Variants in DPAGT1 observed in about 807,000 individuals in gnomAD.
DPAGT1 encodes dolichyl-phosphate N-acetylglucosaminephosphotransferase 1, also known as UDP-N-acetylglucosamine--dolichyl-phosphate N-acetylglucosaminephosphotransferase.
DPAGT1 carries 25 observed loss-of-function variants against 39.3 expected under a neutral mutation model. The observed-to-expected ratio is 0.64, with a 90% CI of 0.46 to 0.89. The LOEUF (loss-of-function observed/expected upper bound fraction) is 0.89, where lower values mean the gene tolerates loss of function less well. Among genes scored for constraint, DPAGT1 ranks in the 40% least tolerant of loss-of-function variants. The pLI is 0.00. For missense variants in DPAGT1, 381 were observed against 500.6 expected, an observed-to-expected ratio of 0.76 and a Z score of 2.28; for synonymous variants, 193 against 201.4, an observed-to-expected ratio of 0.96 and a Z score of 0.36.
downstream of DPAGT1, chr11:119,094,365 T>TC (rs1045992890): frequency 1.3e-5 from 2 of 152,030 alleles, no homozygotes; most frequent in African/African-American, 4.8e-5. Context: ...CACCAAAGCC[T>TC]CCCGGCCAGC....
chr11:119,100,452 G>T, intron 3 of DPAGT1, 44 bp from the exon 4 acceptor site: 2 of 1,613,900 alleles, frequency 1.2e-6, no homozygotes, highest in Non-Finnish European at 1.7e-6. Flanking sequence ...CCACCTAGGG[G>T]AGGAGGATTT....
downstream of DPAGT1, among the ~76,000 whole-genome samples, chr11:119,096,349 TA>T (rs1330792797): frequency 1.3e-5 from 2 of 152,218 alleles, no homozygotes; most frequent in Non-Finnish European, 2.9e-5. Context: ...AGGATTTAAA[TA>T]TTTATTCAAT....
In DPAGT1 at chr11:119,096,813, G is replaced by A; in HGVS notation, c.*185C>T. ...ATAGGTAAAATCCAATCAGTAGTCA[G>A]CAGAGGGCAAGAAACGCCCAGGATG... is the stretch of plus-strand genomic sequence containing the variant. On this transcript the variant is annotated 3_prime_UTR_variant, in exon 9 of 9. Coordinates refer to ENST00000354202, the MANE Select transcript of DPAGT1 (RefSeq NM_001382.4). 1 of 716,476 alleles carries A rather than the reference G, an allele frequency of 1.4e-6. No homozygotes were observed. Among genetic ancestry groups the A allele is most frequent in the East Asian group, 2.7e-5 (1 of 37,012 alleles). The allele number at this position is 716,476 out of a possible 1,614,324, so 44.4% of individuals were successfully genotyped here. A position where few individuals can be genotyped will look rare whatever the true frequency, so the allele number is the denominator to read the frequency against.
intron 2 of DPAGT1, 55 bp downstream of exon 2, chr11:119,100,963 C>T: frequency 1.9e-6 from 3 of 1,614,150 alleles, no homozygotes; most frequent in Non-Finnish European, 2.5e-6. Context: ...CCCCAGTTCT[C>T]TCAGGTACCT....
In DPAGT1 at chr11:119,100,793, C is replaced by A; in HGVS notation, c.333G>T (p.Leu111=). 7 of 1,614,200 alleles carry A rather than the reference C, an allele frequency of 4.3e-6. No individual in the cohort carries two copies. The highest frequency in any genetic ancestry group is 5.1e-6 in the Non-Finnish European group (6 of 1,180,038). Residue 111 remains leucine (L), a synonymous_variant, in exon 3 of 9, where the codon CTG becomes CTT. Coordinates refer to ENST00000354202, the MANE Select transcript of DPAGT1 (RefSeq NM_001382.4). ...GATTCAGTACATCATCCGCAAAGCCCAGGAAGATCATGCAGCAGATGGCAA... is the reference window on the plus strand; with the variant it reads ...GATTCAGTACATCATCCGCAAAGCCAAGGAAGATCATGCAGCAGATGGCAA... ...ALLAICCMIF[L]GFADDVLNLR...
At chr11:119,098,882 T>C (rs1002443737) in intron 4 of DPAGT1, among the ~76,000 whole-genome samples, 49 of 152,234 alleles carry the variant, frequency 3.2e-4, no homozygotes, top group Admixed American at 2.4e-3. Flanking sequence ...GTTTAAAAAG[T>C]ACTTAGCTTT....
In DPAGT1 at chr11:119,101,741, T is replaced by C. The variant is rs1308218053; in HGVS notation, c.-86A>G. On this transcript the variant is annotated 5_prime_UTR_variant, in exon 1 of 9. Coordinates refer to ENST00000354202, the MANE Select transcript of DPAGT1 (RefSeq NM_001382.4). ...GTCCTGAGGCCTCAGCAGTATGGAG[T>C]GGCCGCTCCCCACAGGCAGGCTCTT... 2 of 1,603,262 alleles carry C rather than the reference T, an allele frequency of 1.2e-6. No individual in the cohort carries two copies. Among genetic ancestry groups the C allele is most frequent in the Admixed American group, 1.7e-5 (1 of 58,350 alleles).
rs780395327 is a variant in DPAGT1 at position 119,100,860 on chromosome 11, C to T, written c.283-17G>A. 9.9e-5 allele frequency: 159 copies of T among 1,614,022 alleles called. No homozygotes were observed. Among genetic ancestry groups the T allele is most frequent in the Non-Finnish European group, 1.3e-4 (157 of 1,179,990 alleles). On this transcript the variant is annotated splice_polypyrimidine_tract_variant and intron_variant, in intron 2 of 8. Coordinates refer to ENST00000354202, the MANE Select transcript of DPAGT1 (RefSeq NM_001382.4). ...GGCCACAAACTGGGGGAGGCTCGGG[C>T]AGGTCCATGACTCAAGCCTGCTCCC...
chr11:119,100,626 C>G lies in DPAGT1; in HGVS notation c.496+4G>C, dbSNP rs1194001336. The stretch of plus-strand genomic sequence containing the variant: ...ATAGGGGCAGCAGTGGTAGGACTAC[C>G]TACCCAAGTCCAGATGCAGGCCAAG... On this transcript the variant is annotated splice_donor_region_variant and intron_variant, in intron 3 of 8. Transcript: ENST00000354202. The G allele has an allele frequency of 3.7e-6, 6 of 1,614,004 alleles. No individual in the cohort carries two copies. Among genetic ancestry groups the G allele is most frequent in the Middle Eastern group, 1.7e-4 (1 of 5,992 alleles).
rs1443027524 is a variant in DPAGT1 at position 119,096,734 on chromosome 11, A to G, written c.*264T>C. On this transcript the variant is annotated 3_prime_UTR_variant, in exon 9 of 9. Transcript: ENST00000354202. ...AAAAAAAGCTGCTGTATCCCACCCTATGAGGCTGCAAAGATGGGATGGAGA... is the reference window on the plus strand; with the variant it reads ...AAAAAAAGCTGCTGTATCCCACCCTGTGAGGCTGCAAAGATGGGATGGAGA... 7.2e-6 allele frequency: 4 copies of G among 556,214 alleles called. No individual in the cohort carries two copies. Among genetic ancestry groups the G allele is most frequent in the South Asian group, 2.1e-5 (1 of 48,758 alleles). 34.5% of individuals were successfully genotyped at this position (556,214 alleles called of 1,614,324 possible).
chr11:119,099,468 T>C (rs1450349964), intron 4 of DPAGT1, among the ~76,000 whole-genome samples: 1 of 150,964 alleles, frequency 6.6e-6, no homozygotes, highest in Non-Finnish European at 1.5e-5. Context: ...AGAGTAATTC[T>C]ATGATCAAGC....
intron 5 of DPAGT1, 137 bp downstream of exon 5, chr11:119,098,266 A>G (rs972578030): frequency 1.5e-5 from 18 of 1,176,796 alleles, no homozygotes; most frequent in African/African-American, 3.0e-5. Flanking sequence ...AAATTTCAGA[A>G]TACGACCAAC....
chr11:119,097,267 G>A lies in DPAGT1; in HGVS notation c.1036C>T (p.His346Tyr). 2.5e-6 allele frequency: 4 copies of A among 1,614,230 alleles called. No homozygotes were observed. The South Asian group carries it at 3.3e-5, about 13-fold the overall frequency. ...VAESLQLVTVHQSETEDGEFT... is the reference protein window; with the variant it reads ...VAESLQLVTVYQSETEDGEFT... Reference sequence around the variant, plus strand: ...TCACCATCTTCAGTCTCACTCTGGTGTACTGTCACCAGCTGGAGGCTCTCT... The same window carrying A: ...TCACCATCTTCAGTCTCACTCTGGTATACTGTCACCAGCTGGAGGCTCTCT... Residue 346 changes from histidine (H) to tyrosine (Y), a missense_variant, in exon 8 of 9, where the codon CAC (histidine) becomes TAC (tyrosine). His to Tyr is a moderately conservative substitution (Grantham distance 83). Coordinates refer to ENST00000354202, the MANE Select transcript of DPAGT1 (RefSeq NM_001382.4). The surrounding 1 kb of genome is among the most constrained non-coding windows in gnomAD (Gnocchi z 4.6).
intron 2 of DPAGT1, 66 bp from the exon 3 acceptor site, chr11:119,100,909 T>C: frequency 3.7e-6 from 6 of 1,613,830 alleles, no homozygotes; most frequent in Non-Finnish European, 5.1e-6. Context: ...AGAATTCCTG[T>C]CTTTTCTGAT....
chr11:119,095,507 A>G (rs571230227), downstream of DPAGT1: 1,189 of 1,175,514 alleles, frequency 1.0e-3, 18 homozygotes, highest in South Asian at 0.015. Context: ...AGCCCCCAGG[A>G]CACACCTCTG....
At chr11:119,094,875 G>A (rs926049408), downstream of DPAGT1, 3 of 1,340,652 alleles carry the variant, frequency 2.2e-6, no homozygotes, top group African/African-American at 1.5e-5. Context: ...AAGCGGCTCA[G>A]CTCTTTCCAT....
Position 119,098,028 on chromosome 11 carries a change from C to CA in DPAGT1, c.743dup (p.Phe249ValfsTer101). 6.2e-7 allele frequency: 1 copy of CA among 1,614,208 alleles called. No individual in the cohort carries two copies. The highest frequency in any genetic ancestry group is 8.5e-7 in the Non-Finnish European group (1 of 1,180,038). The stretch of plus-strand genomic sequence containing the variant: ...AGTAACAGAAGGTATCTCCCACAAA[C>CA]ACCCGTGATGGGTACCTGTGTGGGG... On this transcript the variant is annotated frameshift_variant, in exon 6 of 9. Transcript: ENST00000354202. LOFTEE classifies it high-confidence loss of function.
chr11:119,100,952 A>G (rs970339099), intron 2 of DPAGT1, 66 bp downstream of exon 2: 1 of 1,613,642 alleles, frequency 6.2e-7, no homozygotes, highest in East Asian at 2.2e-5. Context: ...AGCCCAAATA[A>G]CCCCAGTTCT....
At position 119,097,244 on chromosome 11, in the gene DPAGT1, A is replaced by C. The variant is rs1946413563; in HGVS notation, c.1059T>G (p.Gly353=). Residue 353 remains glycine, a synonymous_variant, in exon 8 of 9, where the codon GGT becomes GGG. Coordinates refer to ENST00000354202, the MANE Select transcript of DPAGT1 (RefSeq NM_001382.4). This position sits in a 1 kb window ranked among gnomAD's most constrained non-coding sequence, Gnocchi z 4.6. ...TCATGTTGTTACATTCAGTGAATTC[A>C]CCATCTTCAGTCTCACTCTGGTGTA... ...VTVHQSETED[G]EFTECNNMTL... 1 of 1,614,180 alleles carries C rather than the reference A, an allele frequency of 6.2e-7. No homozygotes were observed. Among genetic ancestry groups the C allele is most frequent in the Non-Finnish European group, 8.5e-7 (1 of 1,180,020 alleles).
Sources: gnomAD v4.1 joint callset for allele counts (sites outside exome capture counted in the v4.1 genomes callset) on GRCh38, gnomAD v4.1.1 for gene constraint, Gnocchi (gnomAD v3.1) non-coding constraint, MANE v1.5 for transcripts, NCBI Gene and HGNC (gene_info 2026-07-23, HGNC 2026-07-21) for gene names.